CD72: variants seen among roughly 807,000 people sequenced by gnomAD.
CD72 encodes CD72 molecule.
In CD72, 28 loss-of-function variants were observed where a neutral mutation model predicts 50.7. That is an observed-to-expected ratio of 0.55 (90% CI 0.41 to 0.76). The LOEUF is 0.76. CD72 is among the 30% of genes least tolerant of loss of function. The probability of loss-of-function intolerance (pLI) is 0.00; values close to 1 mark genes in which losing one functional copy is unlikely to be tolerated. For synonymous variants in CD72, 176 were observed against 171.2 expected (o/e 1.03, Z -0.22); for missense variants, 403 against 420.6 (o/e 0.96, Z 0.37).
intron 1 of CD72, among the ~76,000 whole-genome samples, chr9:35,644,924 G>A (rs4285558): frequency 0.088 from 10,640 of 121,092 alleles, 634 homozygotes; most frequent in African/African-American, 0.18. Context: ...AAAAAAGGCC[G>A]GGCGCGGTGG....
intron 1 of CD72, among the ~76,000 whole-genome samples, chr9:35,625,618 G>A (rs1312192929): frequency 6.6e-6 from 1 of 152,206 alleles, no homozygotes; most frequent in African/African-American, 2.4e-5. Flanking sequence ...TTGGAGAAGA[G>A]GCCATCTAGG....
upstream of CD72, among the ~76,000 whole-genome samples, chr9:35,623,058 G>A (rs1823160287): frequency 6.6e-6 from 1 of 152,206 alleles, no homozygotes; most frequent in African/African-American, 2.4e-5. Context: ...TGTCAGCCAT[G>A]TTTGTGCCAC....
At chr9:35,645,092 G>A (rs1587911151) in intron 1 of CD72, among the ~76,000 whole-genome samples, 1 of 151,726 alleles carries the variant, frequency 6.6e-6, no homozygotes, top group African/African-American at 2.4e-5. Flanking sequence ...CCAGCTACTC[G>A]GGAGGTTGAG....
chr9:35,621,775 G>C (rs556753033), upstream of CD72, among the ~76,000 whole-genome samples: 6 of 152,284 alleles, frequency 3.9e-5, no homozygotes, highest in East Asian at 1.2e-3. Flanking sequence ...TCAACCCATA[G>C]GTCCTGATTT....
chr9:35,622,140 G>T (rs1476733900), upstream of CD72, among the ~76,000 whole-genome samples: 1 of 152,212 alleles, frequency 6.6e-6, no homozygotes, highest in Non-Finnish European at 1.5e-5. Flanking sequence ...ATACAAGATA[G>T]TCTGACCTCA....
chr9:35,631,928 G>T (rs931723247), intron 1 of CD72, among the ~76,000 whole-genome samples: 1 of 151,956 alleles, frequency 6.6e-6, no homozygotes, highest in Non-Finnish European at 1.5e-5. Flanking sequence ...TAAATAAATG[G>T]CATAGAAATT....
rs148140074 is a variant in CD72, at chr9:35,629,551, G to A, written n.409-11430C>T. ...AGAATTGCTCAATTATGCATTTGTG[G>A]GAGCAAGCTCAACAGTCTCTGAAAG... is the stretch of plus-strand genomic sequence containing the variant. On this transcript the variant is annotated intron_variant and non_coding_transcript_variant, in intron 1 of 3. Coordinates refer to the CD72 transcript ENST00000465754. Among the ~76,000 whole-genome samples the A allele has an allele frequency of 9.9e-5, 15 of 152,224 alleles. No homozygotes were observed. In the East Asian group the frequency reaches 2.7e-3, roughly 27 times the overall value.
intron 1 of CD72, among the ~76,000 whole-genome samples, chr9:35,635,914 T>C (rs751522969): frequency 6.6e-5 from 10 of 152,144 alleles, no homozygotes; most frequent in Non-Finnish European, 1.2e-4. Flanking sequence ...TTTCCTAGAA[T>C]TCTCTTGCTC....
intron 1 of CD72, among the ~76,000 whole-genome samples, chr9:35,632,919 C>A (rs1320403499): frequency 1.3e-5 from 2 of 149,768 alleles, no homozygotes; most frequent in Non-Finnish European, 3.0e-5. Context: ...ATTTATTTAT[C>A]CTTTTTAGTT....
At chr9:35,624,086 C>G (rs906286640), upstream of CD72, among the ~76,000 whole-genome samples, 4 of 147,694 alleles carry the variant, frequency 2.7e-5, no homozygotes, top group Non-Finnish European at 4.5e-5. Flanking sequence ...GTGGCACATG[C>G]CTGTAATCCC....
chr9:35,631,970 G>A (rs1823250338), intron 1 of CD72, among the ~76,000 whole-genome samples: 2 of 152,080 alleles, frequency 1.3e-5, no homozygotes, highest in African/African-American at 4.8e-5. Flanking sequence ...CTCATATCTG[G>A]TGCCATGTGA....
chr9:35,631,209 A>G (rs1587907514), intron 1 of CD72, among the ~76,000 whole-genome samples: 3 of 152,104 alleles, frequency 2.0e-5, no homozygotes, highest in Admixed American at 6.6e-5. Flanking sequence ...GCTTTTTACT[A>G]TGGCTTTTTA....
chr9:35,634,902 G>A (rs1383111919), intron 1 of CD72, among the ~76,000 whole-genome samples: 3 of 152,126 alleles, frequency 2.0e-5, no homozygotes, highest in African/African-American at 7.2e-5. Flanking sequence ...CTCCCCACTG[G>A]TTTCTTGCTT....
chr9:35,635,975 A>G (rs1025878660), intron 1 of CD72, among the ~76,000 whole-genome samples: 16 of 152,232 alleles, frequency 1.1e-4, no homozygotes, highest in Non-Finnish European at 1.5e-4. Flanking sequence ...CAAAACACTT[A>G]AAGCCAGGAA....
intron 1 of CD72, among the ~76,000 whole-genome samples, chr9:35,634,613 A>G (rs58866248): frequency 1.3e-5 from 2 of 152,300 alleles, no homozygotes; most frequent in Admixed American, 6.5e-5. Context: ...TCGGCCTCCG[A>G]AAGTGCTGGG....
At chr9:35,631,026 AT>A (rs1029137406) in intron 1 of CD72, among the ~76,000 whole-genome samples, 2 of 151,768 alleles carry the variant, frequency 1.3e-5, no homozygotes, top group African/African-American at 4.8e-5. Context: ...TATCCTAAGA[AT>A]TTTTTTTTCT....
chr9:35,643,676 T>C (rs191185038), intron 1 of CD72, among the ~76,000 whole-genome samples: 17 of 152,182 alleles, frequency 1.1e-4, no homozygotes, highest in East Asian at 5.8e-4. Context: ...AAATAAAGTC[T>C]GTAAAAGAAC....
upstream of CD72, among the ~76,000 whole-genome samples, chr9:35,622,138 T>C (rs1411351590): frequency 6.6e-6 from 1 of 152,188 alleles, no homozygotes; most frequent in Non-Finnish European, 1.5e-5. Context: ...AAATACAAGA[T>C]AGTCTGACCT....
chr9:35,636,671 C>G (rs1823292731), intron 1 of CD72, among the ~76,000 whole-genome samples: 1 of 152,190 alleles, frequency 6.6e-6, no homozygotes, highest in African/African-American at 2.4e-5. Context: ...AACTTTCTGG[C>G]CGGGCGCAGT....
Sources: gnomAD v4.1 joint callset for allele counts (sites outside exome capture counted in the v4.1 genomes callset) on GRCh38, gnomAD v4.1.1 for gene constraint, MANE v1.5 for transcripts, NCBI Gene and HGNC (gene_info 2026-07-23, HGNC 2026-07-21) for gene names.